COL25A1: variants seen among roughly 807,000 people sequenced by gnomAD.
COL25A1 encodes collagen type XXV alpha 1 chain.
Under a neutral mutation model 128.4 loss-of-function variants are expected in COL25A1, and 103 were observed. The ratio of observed to expected loss-of-function variants is 0.80; its 90% CI spans 0.68 to 0.94. The LOEUF is 0.94. Among genes scored for constraint, COL25A1 ranks in the 40% least tolerant of loss-of-function variants. COL25A1 has a pLI of 0.00. For synonymous variants in COL25A1, 279 were observed against 277.2 expected, an observed-to-expected ratio of 1.01 and a Z score of -0.06; for missense variants, 745 against 840.0, an observed-to-expected ratio of 0.89 and a Z score of 1.40.
chr4:109,022,168 T>G (rs1369224875), intron 5 of COL25A1: 1 of 453,568 alleles, frequency 2.2e-6, no homozygotes, highest in African/African-American at 2.0e-5. Flanking sequence ...ATCACGGACC[T>G]GCCGATATGT....
At chr4:109,159,450 C>A (rs1479714137) in intron 3 of COL25A1, among the ~76,000 whole-genome samples, 2 of 152,078 alleles carry the variant, frequency 1.3e-5, no homozygotes, top group Non-Finnish European at 2.9e-5. Flanking sequence ...ATACACATGA[C>A]AGGGAATCCT....
At chr4:108,865,097 A>C (rs1237065076) in intron 20 of COL25A1, among the ~76,000 whole-genome samples, 1 of 152,152 alleles carries the variant, frequency 6.6e-6, no homozygotes, top group Non-Finnish European at 1.5e-5. Context: ...GGAAGATGGT[A>C]CCTTTTAATA....
At chr4:109,260,049 G>T (rs2126254131) in intron 3 of COL25A1, among the ~76,000 whole-genome samples, 1 of 152,256 alleles carries the variant, frequency 6.6e-6, no homozygotes, top group East Asian at 1.9e-4. Flanking sequence ...TATGAGTCAA[G>T]GTGCAGCTGT....
intron 5 of COL25A1, among the ~76,000 whole-genome samples, chr4:109,026,902 G>A (rs1486395689): frequency 1.3e-5 from 2 of 152,170 alleles, no homozygotes. Context: ...GAAAGAAAGT[G>A]AGAATAAATA....
rs115084699 is a variant in COL25A1, at chr4:108,879,443, T to G, written c.1020+4735A>C. On this transcript the variant is annotated intron_variant, in intron 19 of 37. Coordinates refer to ENST00000399132, the MANE Select transcript of COL25A1 (RefSeq NM_198721.4). ...GTGAAATAAACTGATGGTATATGGG[T>G]TTTTTTTGTTGTTGTTCTTCTTGAG... Among the ~76,000 whole-genome samples the G allele has an allele frequency of 2.4e-3, 359 of 152,036 alleles. 3 individuals carry two copies. Among genetic ancestry groups the G allele is most frequent in the African/African-American group, 8.1e-3 (337 of 41,494 alleles).
intron 30 of COL25A1, among the ~76,000 whole-genome samples, chr4:108,844,151 A>G (rs1464437322): frequency 1.3e-5 from 2 of 152,180 alleles, no homozygotes; most frequent in East Asian, 1.9e-4. Context: ...GGCCTCCCAA[A>G]GTGTTGGCAT....
At chr4:108,862,693 G>C (rs771742281) in intron 21 of COL25A1, 148 bp from the exon 22 acceptor site, 1 of 664,990 alleles carries the variant, frequency 1.5e-6, no homozygotes, top group Non-Finnish European at 2.6e-6. Flanking sequence ...ACAGAATGTC[G>C]GTTATTATAA....
chr4:109,268,058 A>T (rs1781910752), intron 3 of COL25A1, among the ~76,000 whole-genome samples: 1 of 152,208 alleles, frequency 6.6e-6, no homozygotes, highest in Admixed American at 6.5e-5. Flanking sequence ...TAAAATCTGC[A>T]CTGCAAGTAA....
At chr4:109,069,435 AACTCGTGGC>A (rs1560632227) in intron 3 of COL25A1, among the ~76,000 whole-genome samples, 1 of 152,100 alleles carries the variant, frequency 6.6e-6, no homozygotes, top group Non-Finnish European at 1.5e-5. Context: ...GCTGGTCTCA[AACTCGTGGC>A]CTCAAGCAGT....
At chr4:108,848,143 A>G (rs936939591) in intron 27 of COL25A1, among the ~76,000 whole-genome samples, 1 of 152,208 alleles carries the variant, frequency 6.6e-6, no homozygotes, top group African/African-American at 2.4e-5. Flanking sequence ...GTGTTAACCA[A>G]AAATAAATAA....
chr4:109,016,381 A>G (rs918347780), intron 5 of COL25A1, among the ~76,000 whole-genome samples: 11 of 152,360 alleles, frequency 7.2e-5, no homozygotes, highest in African/African-American at 2.6e-4. Context: ...CTTGGCATGA[A>G]CAGCCAAGGT....
chr4:108,923,839 A>T (rs1385466005), intron 11 of COL25A1, among the ~76,000 whole-genome samples: 1 of 152,196 alleles, frequency 6.6e-6, no homozygotes. Context: ...GTTTGTATCA[A>T]GTAGATTTCC....
chr4:108,982,289 G>A (rs11098020), intron 6 of COL25A1, among the ~76,000 whole-genome samples: 22,575 of 152,138 alleles, frequency 0.15, 2,376 homozygotes, highest in East Asian at 0.47. Context: ...GGGGACGGTG[G>A]AAATATTTCG....
intron 3 of COL25A1, among the ~76,000 whole-genome samples, chr4:109,212,735 C>A (rs1447747753): frequency 1.3e-5 from 2 of 152,104 alleles, no homozygotes; most frequent in Non-Finnish European, 2.9e-5. Flanking sequence ...GATAAAATTA[C>A]AAGTTCTGAA....
intron 3 of COL25A1, among the ~76,000 whole-genome samples, chr4:109,261,132 A>G (rs1781417738): frequency 6.6e-6 from 1 of 152,220 alleles, no homozygotes; most frequent in South Asian, 2.1e-4. Flanking sequence ...TATTATCTTT[A>G]GTCTTAAAAT....
At chr4:108,843,677 C>A (rs1311817124) in intron 30 of COL25A1, among the ~76,000 whole-genome samples, 1 of 152,096 alleles carries the variant, frequency 6.6e-6, no homozygotes, top group Admixed American at 6.6e-5. Context: ...GAAGGAAGAT[C>A]TAACAATATA....
intron 11 of COL25A1, among the ~76,000 whole-genome samples, chr4:108,930,609 T>C (rs1293079008): frequency 6.6e-6 from 1 of 152,090 alleles, no homozygotes; most frequent in Non-Finnish European, 1.5e-5. Flanking sequence ...TCTTATAAAG[T>C]TGAAGAATGG....
chr4:108,846,549 C>T (rs1334112869), intron 27 of COL25A1, among the ~76,000 whole-genome samples: 1 of 152,118 alleles, frequency 6.6e-6, no homozygotes, highest in East Asian at 1.9e-4. Flanking sequence ...ACTTAATAGA[C>T]TTAATTCTCA....
intron 19 of COL25A1, among the ~76,000 whole-genome samples, chr4:108,871,695 A>G (rs1340037583): frequency 9.9e-5 from 15 of 152,202 alleles, no homozygotes; most frequent in Admixed American, 9.8e-4. Flanking sequence ...TACCGTATCT[A>G]TACATTCTGA....
Sources: gnomAD v4.1 joint callset for allele counts (sites outside exome capture counted in the v4.1 genomes callset) on GRCh38, gnomAD v4.1.1 for gene constraint, MANE v1.5 for transcripts, NCBI Gene and HGNC (gene_info 2026-07-23, HGNC 2026-07-21) for gene names.